Variants in PCDH17 observed in about 807,000 individuals in gnomAD.
PCDH17 encodes protocadherin-17.
A neutral mutation model predicts 67.7 loss-of-function variants in PCDH17; 21 were observed. The observed-to-expected ratio is 0.31, with a 90% CI of 0.22 to 0.45. PCDH17 has a LOEUF of 0.45. PCDH17 is among the 20% of genes least tolerant of loss of function. The pLI is 1.00. For synonymous variants in PCDH17, 701 were observed against 656.7 expected, an observed-to-expected ratio of 1.07 and a Z score of -1.03; for missense variants, 1,471 against 1,564.8, an observed-to-expected ratio of 0.94 and a Z score of 1.01.
intron 3 of PCDH17, among the ~76,000 whole-genome samples, chr13:57,692,106 T>G (rs1463917826): frequency 1.3e-5 from 2 of 151,220 alleles, no homozygotes; most frequent in Non-Finnish European, 3.0e-5. Flanking sequence ...TAACATTTTC[T>G]CTTACTATTT....
chr13:57,666,567 C>T lies in PCDH17; in HGVS notation c.2624+41C>T, dbSNP rs775637506. On this transcript the variant is annotated intron_variant, in intron 2 of 3. Transcript: ENST00000377918. ...TAACTTTTCTCAGCTTCCCCATTTG[C>T]ATTCGTGTCAAAATTGCTTTGCAAG... The T allele has an allele frequency of 3.1e-6, 5 of 1,606,702 alleles. No individual in the cohort carries two copies. The East Asian group carries it at 6.7e-5, about 22-fold the overall frequency.
At chr13:57,678,906 C>T (rs779288583) in intron 3 of PCDH17, among the ~76,000 whole-genome samples, 166 of 151,346 alleles carry the variant, frequency 1.1e-3, no homozygotes, top group Non-Finnish European at 1.8e-3. Context: ...AAACTGTATG[C>T]TTTCCAGAAT....
At chr13:57,684,962 G>C (rs1593925749) in intron 3 of PCDH17, among the ~76,000 whole-genome samples, 1 of 151,776 alleles carries the variant, frequency 6.6e-6, no homozygotes, top group East Asian at 1.9e-4. Flanking sequence ...CTCAAATTCA[G>C]CTAATAATAC....
intron 3 of PCDH17, among the ~76,000 whole-genome samples, chr13:57,705,821 G>T (rs1955716046): frequency 6.6e-6 from 1 of 152,042 alleles, no homozygotes; most frequent in South Asian, 2.1e-4. Flanking sequence ...TTCAAGACCA[G>T]CCTGACCCAC....
At chr13:57,719,348 C>G (rs778281242) in intron 3 of PCDH17, among the ~76,000 whole-genome samples, 3 of 151,918 alleles carry the variant, frequency 2.0e-5, no homozygotes, top group Non-Finnish European at 2.9e-5. Flanking sequence ...TTGAAATGTC[C>G]TTTTCCCCTG....
intron 1 of PCDH17, among the ~76,000 whole-genome samples, chr13:57,660,915 A>G (rs1167456171): frequency 2.0e-5 from 3 of 152,136 alleles, no homozygotes; most frequent in Non-Finnish European, 4.4e-5. Flanking sequence ...AATATGTATG[A>G]TGGTCTGTCT....
At chr13:57,712,726 TAAGA>T (rs1955787440) in intron 3 of PCDH17, among the ~76,000 whole-genome samples, 1 of 151,680 alleles carries the variant, frequency 6.6e-6, no homozygotes, top group African/African-American at 2.4e-5. Flanking sequence ...ATGTTTGAAT[TAAGA>T]AAGACTGTCT....
chr13:57,671,320 T>C (rs535109320), intron 3 of PCDH17, among the ~76,000 whole-genome samples: 1 of 151,594 alleles, frequency 6.6e-6, no homozygotes, highest in African/African-American at 2.4e-5. Context: ...TATCTGATCC[T>C]TTTTTTTAAT....
At chr13:57,682,537 C>T (rs1343552766) in intron 3 of PCDH17, among the ~76,000 whole-genome samples, 1 of 151,834 alleles carries the variant, frequency 6.6e-6, no homozygotes, top group East Asian at 1.9e-4. Context: ...CCCCTGCTAG[C>T]TCACTCTACA....
intron 1 of PCDH17, among the ~76,000 whole-genome samples, chr13:57,651,574 GC>G (rs1220852206): frequency 6.6e-6 from 1 of 151,934 alleles, no homozygotes; most frequent in East Asian, 1.9e-4. Context: ...CAGGTCTCAA[GC>G]CATCCATCCG....
chr13:57,714,904 G>A (rs1955805381), intron 3 of PCDH17, among the ~76,000 whole-genome samples: 1 of 151,698 alleles, frequency 6.6e-6, no homozygotes, highest in African/African-American at 2.4e-5. Flanking sequence ...ACCTATAGGT[G>A]CTGAGGTGTA....
At chr13:57,714,819 A>G (rs2138094123) in intron 3 of PCDH17, among the ~76,000 whole-genome samples, 1 of 151,860 alleles carries the variant, frequency 6.6e-6, no homozygotes, top group Non-Finnish European at 1.5e-5. Context: ...CACTTAAAAG[A>G]GAAAAGTGTC....
chr13:57,713,746 C>T (rs550292140), intron 3 of PCDH17, among the ~76,000 whole-genome samples: 23 of 151,542 alleles, frequency 1.5e-4, no homozygotes, highest in South Asian at 1.5e-3. Context: ...CACATGTACG[C>T]GTATGCATGA....
chr13:57,658,063 C>G (rs1026737481), intron 1 of PCDH17, among the ~76,000 whole-genome samples: 1 of 151,966 alleles, frequency 6.6e-6, no homozygotes, highest in African/African-American at 2.4e-5. Context: ...AAATACGTAT[C>G]TTTATAATAT....
intron 1 of PCDH17, among the ~76,000 whole-genome samples, chr13:57,657,317 A>G (rs1351725856): frequency 6.6e-6 from 1 of 152,174 alleles, no homozygotes; most frequent in East Asian, 1.9e-4. Context: ...AGAATACCCA[A>G]TGTTTTTATT....
chr13:57,661,451 A>C (rs1284214926), intron 1 of PCDH17, among the ~76,000 whole-genome samples: 1 of 152,140 alleles, frequency 6.6e-6, no homozygotes. Flanking sequence ...TTCTTTGCAA[A>C]ATCAACATTT....
intron 3 of PCDH17, among the ~76,000 whole-genome samples, chr13:57,697,269 G>A (rs1177770903): frequency 6.6e-6 from 1 of 151,458 alleles, no homozygotes; most frequent in Non-Finnish European, 1.5e-5. Context: ...ATGGTTTTAT[G>A]CAGATTAGCC....
At chr13:57,651,845 A>G (rs966440892) in intron 1 of PCDH17, among the ~76,000 whole-genome samples, 7 of 152,086 alleles carry the variant, frequency 4.6e-5, no homozygotes, top group Non-Finnish European at 1.5e-5. Context: ...ACATATTATT[A>G]TTGTTGTTAA....
Position 57,724,651 on chromosome 13 carries a change from T to C in PCDH17, c.2837T>C (p.Val946Ala). Reference sequence around the variant, plus strand: ...GTTAATTGCACAGATGAATGCCGAGTGCTTGGTCATTCTGACAGGTGCTGG... The same window carrying C: ...GTTAATTGCACAGATGAATGCCGAGCGCTTGGTCATTCTGACAGGTGCTGG... ...ECVNCTDECRVLGHSDRCWMP... is the reference protein window; with the variant it reads ...ECVNCTDECRALGHSDRCWMP... The change falls in exon 4 of 4, where the codon GTG (valine) becomes GCG (alanine). Residue 946 changes from valine (V) to alanine (A), a missense_variant. Physicochemically the swap from Val to Ala is moderately conservative, Grantham distance 64 (BLOSUM62 0). This residue lies in a region of PCDH17 where 297 missense variants were observed against 298.6 expected (regional missense o/e 0.99). Transcript: ENST00000377918. 1 of 1,613,960 alleles carries C rather than the reference T, an allele frequency of 6.2e-7. No homozygotes were observed. Among genetic ancestry groups the C allele is most frequent in the Non-Finnish European group, 8.5e-7 (1 of 1,179,920 alleles).
Sources: gnomAD v4.1 joint callset for allele counts (sites outside exome capture counted in the v4.1 genomes callset) on GRCh38, gnomAD v4.1.1 for gene constraint, gnomAD v4.1.1 regional missense constraint, MANE v1.5 for transcripts, NCBI Gene and HGNC (gene_info 2026-07-23, HGNC 2026-07-21) for gene names.